Variants in EBF2 observed in about 807,000 individuals in gnomAD.
The protein encoded by EBF2 is transcription factor COE2.
Under a neutral mutation model 72.8 loss-of-function variants are expected in EBF2, and 21 were observed. The observed-to-expected ratio is 0.29, with a 90% CI of 0.20 to 0.42. EBF2 has a LOEUF of 0.42. Among genes scored for constraint, EBF2 ranks in the 10% least tolerant of loss-of-function variants. The probability of loss-of-function intolerance (pLI) is 1.00; values close to 1 mark genes in which losing one functional copy is unlikely to be tolerated. For synonymous variants in EBF2, 299 were observed against 274.2 expected (o/e 1.09, Z -0.89); for missense variants, 637 against 731.2 (o/e 0.87, Z 1.49).
intron 10 of EBF2, among the ~76,000 whole-genome samples, chr8:25,874,746 T>C (rs1302929853): frequency 6.6e-6 from 1 of 151,980 alleles, no homozygotes; most frequent in Non-Finnish European, 1.5e-5. Flanking sequence ...AGTACAGTAG[T>C]GCAATCATAG....
At chr8:25,976,733 A>T (rs1375312218) in intron 6 of EBF2, among the ~76,000 whole-genome samples, 1 of 152,210 alleles carries the variant, frequency 6.6e-6, no homozygotes, top group East Asian at 1.9e-4. Flanking sequence ...ATGTGTATAC[A>T]TTAGGGTTGC....
intron 6 of EBF2, among the ~76,000 whole-genome samples, chr8:25,944,711 T>C (rs1250277719): frequency 1.4e-5 from 2 of 148,022 alleles, no homozygotes; most frequent in Non-Finnish European, 3.0e-5. Context: ...TGTATAATTA[T>C]ATATACATAT....
intron 7 of EBF2, among the ~76,000 whole-genome samples, chr8:25,898,590 CA>C (rs919773840): frequency 6.6e-5 from 10 of 152,220 alleles, no homozygotes; most frequent in Non-Finnish European, 1.2e-4. Context: ...CCATTGAACC[CA>C]TTACTTTTCC....
intron 7 of EBF2, among the ~76,000 whole-genome samples, chr8:25,890,700 C>T (rs894754896): frequency 2.0e-5 from 3 of 152,176 alleles, no homozygotes; most frequent in African/African-American, 7.2e-5. Flanking sequence ...CAAAATTCTC[C>T]AAAATCTAAA....
intron 6 of EBF2, among the ~76,000 whole-genome samples, chr8:25,984,534 T>C (rs904395372): frequency 6.6e-6 from 1 of 152,014 alleles, no homozygotes; most frequent in African/African-American, 2.4e-5. Flanking sequence ...ATTTAAAAAT[T>C]AGCCAGGCCT....
At chr8:25,948,772 G>A (rs1168266664) in intron 6 of EBF2, among the ~76,000 whole-genome samples, 5 of 152,152 alleles carry the variant, frequency 3.3e-5, no homozygotes, top group Admixed American at 2.0e-4. Context: ...AGAACTCCCG[G>A]GTTTGGGAAC....
At chr8:25,909,036 C>A (rs1284351159) in intron 6 of EBF2, among the ~76,000 whole-genome samples, 1 of 152,122 alleles carries the variant, frequency 6.6e-6, no homozygotes, top group Non-Finnish European at 1.5e-5. Context: ...CTAATGTTTA[C>A]AAAATCAGAA....
chr8:25,948,095 T>A (rs1355958936), intron 6 of EBF2, among the ~76,000 whole-genome samples: 1 of 152,172 alleles, frequency 6.6e-6, no homozygotes, highest in African/African-American at 2.4e-5. Context: ...ATTCATTCAT[T>A]CATAGAGTCA....
At chr8:25,952,407 G>A (rs1183953759) in intron 6 of EBF2, among the ~76,000 whole-genome samples, 4 of 151,684 alleles carry the variant, frequency 2.6e-5, no homozygotes, top group Admixed American at 6.6e-5. Flanking sequence ...CATTTATATA[G>A]TATGCATTTT....
intron 7 of EBF2, among the ~76,000 whole-genome samples, chr8:25,896,419 T>TA (rs1364949418): frequency 1.3e-5 from 2 of 152,196 alleles, no homozygotes; most frequent in Non-Finnish European, 2.9e-5. Flanking sequence ...TCTGATACCC[T>TA]ACTTATGAAT....
At position 26,006,447 on chromosome 8, in the gene EBF2, C is replaced by T. The variant is rs568198842; in HGVS notation, c.551+26638G>A. ...CATTTGCTTAGTCATTCTTCTCTTA[C>T]GAAATAGATTGCTCAGGTCTTTGCT... On this transcript the variant is annotated intron_variant, in intron 6 of 15. Transcript: ENST00000520164. 1.1e-3 allele frequency among the ~76,000 whole-genome samples: 175 copies of T among 152,268 alleles called. 1 individual carries two copies. Among genetic ancestry groups the T allele is most frequent in the African/African-American group, 4.0e-3 (168 of 41,564 alleles).
intron 8 of EBF2, among the ~76,000 whole-genome samples, chr8:25,889,234 TA>T (rs1802738465): frequency 6.6e-6 from 1 of 152,208 alleles, no homozygotes; most frequent in Non-Finnish European, 1.5e-5. Flanking sequence ...CGATATACTT[TA>T]ATTTTTTGGA....
intron 6 of EBF2, among the ~76,000 whole-genome samples, chr8:26,015,118 A>C (rs17818197): frequency 3.9e-5 from 6 of 152,074 alleles, no homozygotes; most frequent in Admixed American, 2.6e-4. Context: ...AAACTTGGCC[A>C]TGTGACTTCT....
chr8:25,862,171 C>T (rs1252609867), intron 11 of EBF2, among the ~76,000 whole-genome samples: 1 of 152,132 alleles, frequency 6.6e-6, no homozygotes, highest in Non-Finnish European at 1.5e-5. Context: ...TGAATGACAA[C>T]TAATAAATTG....
At chr8:25,950,682 C>G (rs902159423) in intron 6 of EBF2, among the ~76,000 whole-genome samples, 2 of 152,150 alleles carry the variant, frequency 1.3e-5, no homozygotes, top group African/African-American at 4.8e-5. Flanking sequence ...AACTACTGAC[C>G]CAGGGTCAAA....
intron 6 of EBF2, among the ~76,000 whole-genome samples, chr8:25,989,383 A>G (rs1480599232): frequency 1.3e-5 from 2 of 152,180 alleles, no homozygotes; most frequent in Admixed American, 1.3e-4. Context: ...TCAAATCTGG[A>G]TTATAAAGAT....
chr8:25,943,311 C>CAAAAGAAAAAAAA (rs1803710087), intron 6 of EBF2, among the ~76,000 whole-genome samples: 5 of 59,068 alleles, frequency 8.5e-5, no homozygotes, highest in Admixed American at 1.9e-4. Flanking sequence ...TGTCTCTACA[C>CAAAAGAAAAAAAA]AAAAAAAAAA....
At chr8:26,023,805 T>C (rs79567103) in intron 6 of EBF2, among the ~76,000 whole-genome samples, 3,552 of 152,126 alleles carry the variant, frequency 0.023, 144 homozygotes, top group African/African-American at 0.081. Flanking sequence ...AAGCAGGGTG[T>C]GAAGAGGTGA....
intron 7 of EBF2, among the ~76,000 whole-genome samples, chr8:25,906,156 C>T (rs888422038): frequency 2.0e-5 from 3 of 152,150 alleles, no homozygotes; most frequent in Non-Finnish European, 4.4e-5. Context: ...AGGCATTCTC[C>T]TACAATGGAA....
Sources: gnomAD v4.1 joint callset for allele counts (sites outside exome capture counted in the v4.1 genomes callset) on GRCh38, gnomAD v4.1.1 for gene constraint, MANE v1.5 for transcripts, NCBI Gene and HGNC (gene_info 2026-07-23, HGNC 2026-07-21) for gene names.